DOCK7: variants seen among roughly 807,000 people sequenced by gnomAD.
DOCK7 encodes the protein dedicator of cytokinesis 7, also known as dedicator of cytokinesis protein 7.
A neutral mutation model predicts 271.0 loss-of-function variants in DOCK7; 138 were observed. That is an observed-to-expected ratio of 0.51 (90% CI 0.44 to 0.59). The LOEUF (loss-of-function observed/expected upper bound fraction) is 0.59, where lower values mean the gene tolerates loss of function less well. Among genes scored for constraint, DOCK7 ranks in the 20% least tolerant of loss-of-function variants. The pLI, the probability that DOCK7 is intolerant of heterozygous loss-of-function variation, is 0.00. For missense variants in DOCK7, 2,066 were observed against 2,592.4 expected, an observed-to-expected ratio of 0.80 and a Z score of 4.41; for synonymous variants, 823 against 876.1, an observed-to-expected ratio of 0.94 and a Z score of 1.07.
chr1:62,531,363 T>A (rs1645169681), intron 29 of DOCK7, among the ~76,000 whole-genome samples: 1 of 152,214 alleles, frequency 6.6e-6, no homozygotes. Flanking sequence ...TAATACAAGA[T>A]CTGTAATATC....
chr1:62,460,433 T>C (rs1645486679), intron 48 of DOCK7, among the ~76,000 whole-genome samples: 1 of 152,156 alleles, frequency 6.6e-6, no homozygotes, highest in Admixed American at 6.5e-5. Context: ...CATTATATAT[T>C]AGGTATTTTA....
Position 62,597,558 on chromosome 1 carries a change from A to C in DOCK7, c.1683-10934T>G, listed in dbSNP as rs768802507. Reference sequence around the variant, plus strand: ...TCCACGTTGCTTGAAATTGAAAATCAAGATAAAAATGTTCACAATTAAGCT... The same window carrying C: ...TCCACGTTGCTTGAAATTGAAAATCCAGATAAAAATGTTCACAATTAAGCT... On this transcript the variant is annotated intron_variant, in intron 14 of 49. Transcript: ENST00000635253. The C allele has an allele frequency of 2.0e-5, 33 of 1,612,152 alleles. No individual in the cohort carries two copies. The Admixed American group carries it at 5.5e-4, about 27-fold the overall frequency.
At chr1:62,614,341 T>A (rs192787031) in intron 14 of DOCK7, among the ~76,000 whole-genome samples, 56 of 152,162 alleles carry the variant, frequency 3.7e-4, no homozygotes, top group Middle Eastern at 3.4e-3. Flanking sequence ...TGTTTTTTTT[T>A]AAAATAAACT....
At chr1:62,516,488 T>C (rs1644665417) in intron 31 of DOCK7, among the ~76,000 whole-genome samples, 1 of 152,202 alleles carries the variant, frequency 6.6e-6, no homozygotes, top group African/African-American at 2.4e-5. Context: ...AGCCCATTAG[T>C]TCTTAATTTT....
chr1:62,605,135 CTTTTA>C (rs1650794109), intron 14 of DOCK7: 2 of 241,276 alleles, frequency 8.3e-6, no homozygotes, highest in South Asian at 1.2e-4. Flanking sequence ...AATTTAGAGA[CTTTTA>C]TTTTAAAAGG....
intron 48 of DOCK7, among the ~76,000 whole-genome samples, chr1:62,468,189 T>G (rs935430117): frequency 1.5e-4 from 23 of 151,864 alleles, no homozygotes; most frequent in Admixed American, 1.5e-3. Context: ...GGTGAAACCC[T>G]GTCTCTAATA....
At chr1:62,686,886 A>G (rs1343453863) in intron 1 of DOCK7, among the ~76,000 whole-genome samples, 3 of 151,580 alleles carry the variant, frequency 2.0e-5, no homozygotes, top group Non-Finnish European at 2.9e-5. Flanking sequence ...AAGAAAGAAA[A>G]AAAAAAGCCT....
chr1:62,639,306 T>C (rs979446029), intron 7 of DOCK7, among the ~76,000 whole-genome samples: 1 of 151,946 alleles, frequency 6.6e-6, no homozygotes, highest in South Asian at 2.1e-4. Context: ...GGTGGGAGGA[T>C]CGCTTGAGGC....
intron 14 of DOCK7, among the ~76,000 whole-genome samples, chr1:62,616,279 T>G (rs1320718137): frequency 6.6e-6 from 1 of 151,796 alleles, no homozygotes; most frequent in South Asian, 2.1e-4. Flanking sequence ...TTCTGTAACA[T>G]GTCTGGATTA....
chr1:62,674,480 A>G (rs1660340099), intron 1 of DOCK7, among the ~76,000 whole-genome samples: 1 of 152,206 alleles, frequency 6.6e-6, no homozygotes, highest in South Asian at 2.1e-4. Context: ...ATGAAAATGC[A>G]AAAAATCCAG....
At chr1:62,651,301 G>T (rs1462583653) in intron 4 of DOCK7, among the ~76,000 whole-genome samples, 1 of 127,212 alleles carries the variant, frequency 7.9e-6, no homozygotes, top group Admixed American at 8.1e-5. Context: ...GTTGTGGGGT[G>T]GGGGGAGGGG....
Position 62,596,197 on chromosome 1 carries a change from AAC to A in DOCK7, c.1683-9575_1683-9574del, listed in dbSNP as rs547368927. Among the ~76,000 whole-genome samples the A allele has an allele frequency of 2.1e-3, 313 of 152,268 alleles. 2 individuals are homozygous for A. Among genetic ancestry groups the A allele is most frequent in the African/African-American group, 7.2e-3 (298 of 41,554 alleles). ...ACATGTATTATTGTTAAATTATCAT[AAC>A]ACTATGAATTATGTACTATAATTAC... On this transcript the variant is annotated intron_variant, in intron 14 of 49. Transcript: ENST00000635253.
At chr1:62,688,193 G>T in intron 1 of DOCK7, 34 bp downstream of exon 1, 1 of 1,364,450 alleles carries the variant, frequency 7.3e-7, no homozygotes, top group Non-Finnish European at 9.5e-7. Context: ...TTTCTCGGGC[G>T]GCGGCGGCGG....
rs1644558450 is a variant in DOCK7 at position 62,513,421 on chromosome 1, A to G, written c.4282+23T>C. ...CAATGATCATTACAATATACAACTC[A>G]AGGAAATTGAAGAAATTCTCACCAG... On this transcript the variant is annotated intron_variant, in intron 33 of 49. Transcript: ENST00000635253. 4 of 1,578,002 alleles carry G rather than the reference A, an allele frequency of 2.5e-6. No homozygotes were observed. In the East Asian group the frequency reaches 9.0e-5, roughly 35 times the overall value.
At position 62,648,200 on chromosome 1, in the gene DOCK7, C is replaced by T. The variant is rs1408421974; in HGVS notation, c.638G>A (p.Arg213Gln). 2.5e-6 allele frequency: 4 copies of T among 1,613,508 alleles called. No homozygotes were observed. Among genetic ancestry groups the T allele is most frequent in the Middle Eastern group, 3.3e-4 (2 of 6,058 alleles). Residue 213 changes from arginine to glutamine, a missense_variant, in exon 6 of 50, where the codon CGA becomes CAA. By Grantham distance (43) the Arg-to-Gln change is conservative (BLOSUM62 1). Around this residue, in one of 2 missense-constraint regions of DOCK7, gnomAD observed 1,414 missense variants for 1,670.4 expected, o/e 0.85. Coordinates refer to ENST00000635253, the MANE Select transcript of DOCK7 (RefSeq NM_001367561.1). Reference protein sequence around the residue: ...PDALLPNLLDRTPNEEIDRQN... With the variant: ...PDALLPNLLDQTPNEEIDRQN... The stretch of plus-strand genomic sequence containing the variant: ...ACGGTCTATTTCTTCATTTGGAGTT[C>T]GATCAAGTAAATTGGGAAGCAAAGC...
chr1:62,575,972 A>T (rs1646931092), intron 18 of DOCK7, among the ~76,000 whole-genome samples: 1 of 152,178 alleles, frequency 6.6e-6, no homozygotes, highest in African/African-American at 2.4e-5. Flanking sequence ...TAACAAAGTC[A>T]CATGAAAAAG....
intron 47 of DOCK7, among the ~76,000 whole-genome samples, chr1:62,474,948 G>C (rs1043156361): frequency 5.9e-5 from 9 of 152,132 alleles, no homozygotes; most frequent in Admixed American, 5.9e-4. Context: ...ACATAGTAGA[G>C]GTTCGCAAAT....
intron 31 of DOCK7, among the ~76,000 whole-genome samples, chr1:62,516,566 G>C (rs1644668117): frequency 6.6e-6 from 1 of 152,170 alleles, no homozygotes; most frequent in Non-Finnish European, 1.5e-5. Flanking sequence ...CCAGGAATGA[G>C]GAAGAGGTCC....
At chr1:62,562,631 G>A (rs561591244) in intron 18 of DOCK7, among the ~76,000 whole-genome samples, 5 of 152,176 alleles carry the variant, frequency 3.3e-5, no homozygotes, top group African/African-American at 1.2e-4. Flanking sequence ...TAAAAACTCT[G>A]AAACCTGATA....
Sources: gnomAD v4.1 joint callset for allele counts (sites outside exome capture counted in the v4.1 genomes callset) on GRCh38, gnomAD v4.1.1 for gene constraint, gnomAD v4.1.1 regional missense constraint, MANE v1.5 for transcripts, NCBI Gene and HGNC (gene_info 2026-07-23, HGNC 2026-07-21) for gene names.